GPATCH2: variants seen among roughly 807,000 people sequenced by gnomAD.
GPATCH2 encodes the protein G-patch domain containing 2, also known as G patch domain-containing protein 2.
A neutral mutation model predicts 58.0 loss-of-function variants in GPATCH2; 51 were observed. The observed-to-expected ratio is 0.88, with a 90% CI of 0.70 to 1.11. The LOEUF is 1.11. Among genes scored for constraint, GPATCH2 ranks in the 50% most tolerant of loss-of-function variants. The pLI, the probability that GPATCH2 is intolerant of heterozygous loss-of-function variation, is 0.00. For synonymous variants in GPATCH2, 222 were observed against 218.5 expected (o/e 1.02, Z -0.14); for missense variants, 625 against 652.2 (o/e 0.96, Z 0.45).
At chr1:217,525,910 A>C (rs1015124655) in intron 5 of GPATCH2, among the ~76,000 whole-genome samples, 2 of 152,220 alleles carry the variant, frequency 1.3e-5, no homozygotes, top group Admixed American at 1.3e-4. Context: ...CAAACTACTT[A>C]AATTATTTTG....
intron 8 of GPATCH2, among the ~76,000 whole-genome samples, chr1:217,449,861 A>G: frequency 6.6e-6 from 1 of 152,206 alleles, no homozygotes; most frequent in East Asian, 1.9e-4. Context: ...TTAATTATTT[A>G]TTAGCTGAGT....
chr1:217,565,983 C>A (rs1328692663), intron 5 of GPATCH2, among the ~76,000 whole-genome samples: 1 of 151,664 alleles, frequency 6.6e-6, no homozygotes, highest in East Asian at 1.9e-4. Flanking sequence ...TGCCTGTAAT[C>A]CCAGCTACTA....
chr1:217,598,809 T>C (rs996783543), intron 5 of GPATCH2, among the ~76,000 whole-genome samples: 1 of 152,228 alleles, frequency 6.6e-6, no homozygotes, highest in African/African-American at 2.4e-5. Flanking sequence ...GCTCCCATCG[T>C]TGGAGCTACT....
chr1:217,608,603 T>C (rs185948347), intron 5 of GPATCH2: 613 of 985,148 alleles, frequency 6.2e-4, no homozygotes, highest in Non-Finnish European at 7.0e-4. Flanking sequence ...AAAATAAAAA[T>C]AGGTAAAACT....
intron 8 of GPATCH2, among the ~76,000 whole-genome samples, chr1:217,455,531 T>C (rs960743092): frequency 1.3e-5 from 2 of 152,166 alleles, no homozygotes; most frequent in African/African-American, 4.8e-5. Flanking sequence ...CCTCTTCCAC[T>C]CTAGTCAGAG....
chr1:217,606,209 C>A (rs1668355200), intron 5 of GPATCH2, among the ~76,000 whole-genome samples: 1 of 150,752 alleles, frequency 6.6e-6, no homozygotes, highest in African/African-American at 2.4e-5. Flanking sequence ...TTAAGCTATT[C>A]ATTTAGCTTA....
intron 8 of GPATCH2, among the ~76,000 whole-genome samples, chr1:217,459,799 G>A (rs1660119950): frequency 6.6e-6 from 1 of 151,828 alleles, no homozygotes; most frequent in African/African-American, 2.4e-5. Flanking sequence ...CTCATTTTTG[G>A]ATCTACTTCA....
Position 217,428,224 on chromosome 1 carries a change from G to T in GPATCH2, c.*2921C>A, listed in dbSNP as rs1370438385. On this transcript the variant is annotated 3_prime_UTR_variant, in exon 10 of 10. Coordinates refer to ENST00000366935, the MANE Select transcript of GPATCH2 (RefSeq NM_018040.5). ...GCAGGTAATTAGGATAGAAAAGGGA[G>T]ACCTATGCAGTCTCTAAAATTTTTA... is the stretch of plus-strand genomic sequence containing the variant. 2 of 152,106 alleles carry T rather than the reference G, an allele frequency of 1.3e-5. No homozygotes were observed. The highest frequency in any genetic ancestry group is 4.8e-5 in the African/African-American group (2 of 41,410). 9.4% of individuals were successfully genotyped at this position (152,106 alleles called of 1,614,324 possible).
intron 8 of GPATCH2, among the ~76,000 whole-genome samples, chr1:217,465,070 T>C (rs1008208930): frequency 6.6e-6 from 1 of 151,914 alleles, no homozygotes; most frequent in Non-Finnish European, 1.5e-5. Flanking sequence ...GAAGAGATGA[T>C]AGCATTTAGG....
At chr1:217,617,964 TA>T (rs772730491) in intron 2 of GPATCH2, among the ~76,000 whole-genome samples, 49 of 150,972 alleles carry the variant, frequency 3.2e-4, no homozygotes, top group Non-Finnish European at 5.8e-4. Context: ...AAAGGAGAAC[TA>T]AAAAAAAGGG....
intron 3 of GPATCH2, among the ~76,000 whole-genome samples, chr1:217,613,081 T>C (rs1355077432): frequency 6.6e-6 from 1 of 151,988 alleles, no homozygotes; most frequent in Non-Finnish European, 1.5e-5. Flanking sequence ...TATAATACAA[T>C]CCTGAGAAAA....
chr1:217,628,766 A>G (rs1669583244), intron 1 of GPATCH2, among the ~76,000 whole-genome samples: 1 of 152,010 alleles, frequency 6.6e-6, no homozygotes, highest in African/African-American at 2.4e-5. Flanking sequence ...TGAAACAGCA[A>G]CGTCCACACT....
intron 9 of GPATCH2, among the ~76,000 whole-genome samples, chr1:217,445,098 C>T (rs533164910): frequency 6.6e-6 from 1 of 152,084 alleles, no homozygotes; most frequent in African/African-American, 2.4e-5. Context: ...CTCACATGTT[C>T]ATGAAAAAAA....
chr1:217,498,241 A>G, intron 7 of GPATCH2, 115 bp downstream of exon 7: 1 of 840,570 alleles, frequency 1.2e-6, no homozygotes, highest in East Asian at 2.4e-5. Flanking sequence ...ACACCTTTTA[A>G]AATGAGCGGG....
At chr1:217,515,703 G>A (rs1163021458) in intron 5 of GPATCH2, among the ~76,000 whole-genome samples, 1 of 149,876 alleles carries the variant, frequency 6.7e-6, no homozygotes, top group Non-Finnish European at 1.5e-5. Flanking sequence ...GCAAGACTCT[G>A]TCTCAAAATA....
At chr1:217,588,075 A>G (rs961550249) in intron 5 of GPATCH2, among the ~76,000 whole-genome samples, 1 of 152,168 alleles carries the variant, frequency 6.6e-6, no homozygotes, top group African/African-American at 2.4e-5. Context: ...TATATGGAAT[A>G]TATATTATAT....
chr1:217,543,489 T>G (rs938684500), intron 5 of GPATCH2, among the ~76,000 whole-genome samples: 2 of 152,032 alleles, frequency 1.3e-5, no homozygotes, highest in Non-Finnish European at 2.9e-5. Flanking sequence ...CAGGATGGTC[T>G]CGATCTCCTG....
chr1:217,454,452 G>A (rs1230946265), intron 8 of GPATCH2, among the ~76,000 whole-genome samples: 1 of 151,786 alleles, frequency 6.6e-6, no homozygotes, highest in African/African-American at 2.4e-5. Context: ...AGCCGGGCGT[G>A]GTGGTGGGCG....
intron 5 of GPATCH2, among the ~76,000 whole-genome samples, chr1:217,583,280 T>G (rs528979276): frequency 6.6e-6 from 1 of 152,170 alleles, no homozygotes; most frequent in South Asian, 2.1e-4. Context: ...TCTAAAAAGA[T>G]AGAAGACTGA....
Sources: gnomAD v4.1 joint callset for allele counts (sites outside exome capture counted in the v4.1 genomes callset) on GRCh38, gnomAD v4.1.1 for gene constraint, MANE v1.5 for transcripts, NCBI Gene and HGNC (gene_info 2026-07-23, HGNC 2026-07-21) for gene names.